The following PDLIM5 variants were observed in gnomAD, a reference collection of about 807,000 sequenced individuals.
PDLIM5 encodes PDZ and LIM domain 5, also known as PDZ and LIM domain protein 5.
A neutral mutation model predicts 64.2 loss-of-function variants in PDLIM5; 34 were observed. The observed-to-expected ratio is 0.53, with a 90% CI of 0.40 to 0.71. The LOEUF (loss-of-function observed/expected upper bound fraction) is 0.71, where lower values mean the gene tolerates loss of function less well. PDLIM5 is among the 30% of genes least tolerant of loss of function. The pLI is 0.00. For missense variants in PDLIM5, 683 were observed against 733.6 expected (o/e 0.93, Z 0.80); for synonymous variants, 253 against 269.1 (o/e 0.94, Z 0.59).
intron 2 of PDLIM5, among the ~76,000 whole-genome samples, chr4:94,483,456 T>C (rs1560646266): frequency 2.0e-5 from 3 of 152,148 alleles, no homozygotes; most frequent in Non-Finnish European, 4.4e-5. Flanking sequence ...TATATACATG[T>C]GTATGTTTAT....
At chr4:94,651,462 A>G (rs1404966533) in intron 9 of PDLIM5, among the ~76,000 whole-genome samples, 1 of 152,228 alleles carries the variant, frequency 6.6e-6, no homozygotes, top group Non-Finnish European at 1.5e-5. Flanking sequence ...ACTATATTCC[A>G]GCAAGTTTGT....
Position 94,618,155 on chromosome 4 carries a change from A to G in PDLIM5, c.1072A>G (p.Ile358Val). Residue 358 changes from isoleucine (I) to valine (V), a missense_variant, in exon 8 of 13, where the codon ATC becomes GTC. Transcript: ENST00000317968. The stretch of plus-strand genomic sequence containing the variant: ...CAAGCCTGTAGGATCCACTGGCGTC[A>G]TCAAGTCACCAAGCTGGCAACGGCC... ...AFKPVGSTGV[I>V]KSPSWQRPNQ... 6.2e-7 allele frequency: 1 copy of G among 1,606,448 alleles called. No homozygotes were observed. The highest frequency in any genetic ancestry group is 1.1e-5 in the South Asian group (1 of 89,476).
chr4:94,521,599 A>T (rs1729832688), intron 2 of PDLIM5, among the ~76,000 whole-genome samples: 1 of 151,186 alleles, frequency 6.6e-6, no homozygotes, highest in South Asian at 2.1e-4. Context: ...TTGAGATGAT[A>T]GCCTCTCAAG....
intron 11 of PDLIM5, among the ~76,000 whole-genome samples, chr4:94,658,022 G>C (rs1410912706): frequency 2.6e-5 from 4 of 152,174 alleles, no homozygotes; most frequent in East Asian, 1.9e-4. Context: ...ATGTGACTTT[G>C]TCAAAACAGA....
chr4:94,520,362 C>A (rs527726500), intron 2 of PDLIM5, among the ~76,000 whole-genome samples: 1 of 152,318 alleles, frequency 6.6e-6, no homozygotes, highest in Non-Finnish European at 1.5e-5. Context: ...AATACATACA[C>A]ACTTATGGCT....
rs553068227 is a variant in PDLIM5 at position 94,458,366 on chromosome 4, G to T, written c.96+2982G>T. On this transcript the variant is annotated intron_variant, in intron 2 of 12. Coordinates refer to ENST00000317968, the MANE Select transcript of PDLIM5 (RefSeq NM_006457.5). The stretch of plus-strand genomic sequence containing the variant: ...CACATGAAATTCTTAGCAAGGTCTG[G>T]CAGTCTCTCAATTATCTTTTATAAT... Among the ~76,000 whole-genome samples, 4 of 152,102 alleles carry T rather than the reference G, an allele frequency of 2.6e-5. No individual in the cohort carries two copies. The South Asian group carries it at 6.2e-4, about 24-fold the overall frequency.
At chr4:94,539,946 T>G (rs551220758) in intron 3 of PDLIM5, among the ~76,000 whole-genome samples, 1 of 152,158 alleles carries the variant, frequency 6.6e-6, no homozygotes, top group Admixed American at 6.5e-5. Context: ...ATTTTGAATT[T>G]CATTTCTAAG....
At chr4:94,591,416 CTG>C (rs1215193340) in intron 7 of PDLIM5, among the ~76,000 whole-genome samples, 3 of 152,216 alleles carry the variant, frequency 2.0e-5, no homozygotes, top group South Asian at 2.1e-4. Flanking sequence ...GAGTTGGAAT[CTG>C]TGGTGGACAC....
At chr4:94,649,976 C>T (rs116204323) in intron 9 of PDLIM5, among the ~76,000 whole-genome samples, 92 of 152,296 alleles carry the variant, frequency 6.0e-4, no homozygotes, top group Non-Finnish European at 1.2e-3. Flanking sequence ...GGCCTCACAA[C>T]CCTTTAAATG....
chr4:94,541,944 C>T (rs1277299898), intron 3 of PDLIM5, among the ~76,000 whole-genome samples: 1 of 152,216 alleles, frequency 6.6e-6, no homozygotes, highest in Non-Finnish European at 1.5e-5. Flanking sequence ...CTATTCTCTC[C>T]GGCTTCCTGT....
chr4:94,576,033 G>T lies in PDLIM5; in HGVS notation c.709G>T (p.Gly237Cys). ...GSQGDSKQQN[G>C]PPRKHIVERY... ...CCAGGGTGACAGTAAACAGCAAAAT[G>T]GGTAGGTGGCTAAGGTGCTTTCTGC... Residue 237 changes from glycine to cysteine, a missense_variant and splice_region_variant, in exon 5 of 13, where the codon GGC becomes TGC. Transcript: ENST00000317968. 6.2e-7 allele frequency: 1 copy of T among 1,611,212 alleles called. No individual in the cohort carries two copies. The highest frequency in any genetic ancestry group is 8.5e-7 in the Non-Finnish European group (1 of 1,177,900).
At position 94,664,473 on chromosome 4, in the gene PDLIM5, T is replaced by C; in HGVS notation, c.*406T>C. 1.4e-6 allele frequency: 1 copy of C among 725,742 alleles called. No homozygotes were observed. The highest frequency in any genetic ancestry group is 2.0e-5 in the African/African-American group (1 of 50,538). The allele number at this position is 725,742 out of a possible 1,614,324, so 45.0% of individuals were successfully genotyped here. A position where few individuals can be genotyped will look rare whatever the true frequency, so the allele number is the denominator to read the frequency against. On this transcript the variant is annotated 3_prime_UTR_variant, in exon 13 of 13. Transcript: ENST00000317968. ...ATGAAAATGCCTTAAATTTTATCAATAACAGAATTATTGTATTTAAAAAAA... is the reference window on the plus strand; with the variant it reads ...ATGAAAATGCCTTAAATTTTATCAACAACAGAATTATTGTATTTAAAAAAA...
intron 7 of PDLIM5, among the ~76,000 whole-genome samples, chr4:94,604,197 C>T (rs903152622): frequency 3.3e-5 from 5 of 152,048 alleles, no homozygotes; most frequent in Non-Finnish European, 5.9e-5. Flanking sequence ...GCACAAATGA[C>T]AGGAAAAGAG....
At chr4:94,492,289 T>C (rs1445932921) in intron 2 of PDLIM5, among the ~76,000 whole-genome samples, 2 of 151,808 alleles carry the variant, frequency 1.3e-5, no homozygotes, top group Non-Finnish European at 2.9e-5. Flanking sequence ...ATACTTCCTC[T>C]CTTTTTTTTT....
At chr4:94,573,440 T>C in intron 4 of PDLIM5, 47 bp downstream of exon 4, 1 of 1,380,448 alleles carries the variant, frequency 7.2e-7, no homozygotes, top group Non-Finnish European at 1.0e-6. Context: ...TTGTCCTTGC[T>C]GAGCTACTGT....
chr4:94,513,976 T>C (rs1170556379), intron 2 of PDLIM5, among the ~76,000 whole-genome samples: 29 of 152,274 alleles, frequency 1.9e-4, no homozygotes, highest in Non-Finnish European at 1.5e-5. Context: ...TCAATTGAAA[T>C]GATCATATGG....
At chr4:94,517,853 C>T (rs1729498051) in intron 2 of PDLIM5, among the ~76,000 whole-genome samples, 1 of 152,122 alleles carries the variant, frequency 6.6e-6, no homozygotes, top group African/African-American at 2.4e-5. Flanking sequence ...GGATAATCAC[C>T]AAAGTAAATT....
chr4:94,665,481 TAAAA>T lies in PDLIM5; in HGVS notation c.*1436_*1439del, dbSNP rs10706955. The T allele has an allele frequency of 0.021, 9,515 of 444,142 alleles. No individual in the cohort carries two copies. The highest frequency in any genetic ancestry group is 0.029 in the Middle Eastern group (27 of 932). The allele number at this position is 444,142 out of a possible 1,614,324, so 27.5% of individuals were successfully genotyped here. On this transcript the variant is annotated 3_prime_UTR_variant, in exon 13 of 13. Transcript: ENST00000317968. ...GGTGACAGAGCAAGACTCCGGCTCTTAAAAAAAAAAAAAAAAAAAAAAAAAGAGA... is the reference window on the plus strand; with the variant it reads ...GGTGACAGAGCAAGACTCCGGCTCTTAAAAAAAAAAAAAAAAAAAAAGAGA...
chr4:94,544,653 C>A (rs769811554), intron 3 of PDLIM5, among the ~76,000 whole-genome samples: 1 of 152,240 alleles, frequency 6.6e-6, no homozygotes, highest in Non-Finnish European at 1.5e-5. Flanking sequence ...TGTATGAAAT[C>A]TAGTCCTTTA....
Sources: gnomAD v4.1 joint callset for allele counts (sites outside exome capture counted in the v4.1 genomes callset) on GRCh38, gnomAD v4.1.1 for gene constraint, MANE v1.5 for transcripts, NCBI Gene and HGNC (gene_info 2026-07-23, HGNC 2026-07-21) for gene names.